The following BUB1B variants were observed in gnomAD, a reference collection of about 807,000 sequenced individuals.
BUB1B encodes mitotic checkpoint serine/threonine-protein kinase BUB1 beta.
A neutral mutation model predicts 137.7 loss-of-function variants in BUB1B; 86 were observed. The observed-to-expected ratio is 0.62, with a 90% CI of 0.52 to 0.75. The LOEUF is 0.75. Ranked by LOEUF, BUB1B falls within the 30% of genes least tolerant of loss-of-function variation. BUB1B has a pLI of 0.00. For missense variants in BUB1B, 1,130 were observed against 1,236.9 expected (o/e 0.91, Z 1.30); for synonymous variants, 420 against 417.9 (o/e 1.00, Z -0.06).
At chr15:40,166,476 A>C in intron 2 of BUB1B, 1 of 317,574 alleles carries the variant, frequency 3.1e-6, no homozygotes, top group South Asian at 2.4e-5. Flanking sequence ...AGTAGCTGGG[A>C]CTACAGGTGC....
chr15:40,199,640 G>C lies in BUB1B; in HGVS notation c.1314G>C (p.Lys438Asn). 5 of 1,613,998 alleles carry C rather than the reference G, an allele frequency of 3.1e-6. No individual in the cohort carries two copies. Among genetic ancestry groups the C allele is most frequent in the Non-Finnish European group, 4.2e-6 (5 of 1,179,898 alleles). Residue 438 changes from lysine to asparagine, a missense_variant, in exon 10 of 23, where the codon AAG (lysine) becomes AAC (asparagine). Coordinates refer to ENST00000287598, the MANE Select transcript of BUB1B (RefSeq NM_001211.6). Reference protein sequence around the residue: ...REAELLTSAEKRAEMQKQIEE... With the variant: ...REAELLTSAENRAEMQKQIEE... ...CCGAGCTATTGACCAGTGCAGAGAA[G>C]AGAGCAGAAATGCAGAAACAGATTG...
chr15:40,169,021 TAG>T (rs1178076721), intron 2 of BUB1B, among the ~76,000 whole-genome samples: 2 of 152,166 alleles, frequency 1.3e-5, no homozygotes, highest in African/African-American at 4.8e-5. Flanking sequence ...TTTTTCTTAT[TAG>T]AGTATAAATT....
chr15:40,166,960 C>T (rs1349425647), intron 2 of BUB1B, among the ~76,000 whole-genome samples: 1 of 151,860 alleles, frequency 6.6e-6, no homozygotes, highest in East Asian at 1.9e-4. Context: ...GATATTTTGC[C>T]CAGTTTTCAA....
intron 8 of BUB1B, among the ~76,000 whole-genome samples, 200 bp from the exon 9 acceptor site, chr15:40,196,345 T>C (rs2037497504): frequency 6.6e-6 from 1 of 152,244 alleles, no homozygotes; most frequent in Admixed American, 6.5e-5. Flanking sequence ...TTGATCTATA[T>C]GCCTGTTTTT....
intron 12 of BUB1B, 112 bp from the exon 13 acceptor site, chr15:40,202,293 A>G: frequency 1.1e-6 from 1 of 893,948 alleles, no homozygotes; most frequent in Non-Finnish European, 1.8e-6. Context: ...TATTAAAAAA[A>G]CAGGTTGCCT....
intron 1 of BUB1B, 118 bp downstream of exon 1, chr15:40,161,373 C>A: frequency 1.7e-6 from 2 of 1,168,342 alleles, no homozygotes; most frequent in Admixed American, 3.3e-5. Context: ...ACAGACCCCA[C>A]CGGAGCCTCC....
chr15:40,190,979 C>T (rs1298024053), intron 8 of BUB1B, among the ~76,000 whole-genome samples: 7 of 151,822 alleles, frequency 4.6e-5, no homozygotes, highest in Admixed American at 4.6e-4. Context: ...CCTCAGCTTC[C>T]CGGGTTCAAC....
chr15:40,206,553 C>T (rs1322405048), intron 15 of BUB1B, 95 bp downstream of exon 15: 1 of 1,498,854 alleles, frequency 6.7e-7, no homozygotes, highest in African/African-American at 1.4e-5. Context: ...CAAGTTCTTA[C>T]TAACTGCCAG....
intron 5 of BUB1B, among the ~76,000 whole-genome samples, chr15:40,181,898 A>T (rs2037298153): frequency 6.6e-6 from 1 of 152,154 alleles, no homozygotes; most frequent in African/African-American, 2.4e-5. Flanking sequence ...GAACATAGTT[A>T]TATTAGGTAC....
intron 20 of BUB1B, 112 bp downstream of exon 20, chr15:40,213,586 A>C: frequency 8.4e-7 from 1 of 1,192,896 alleles, no homozygotes; most frequent in Admixed American, 1.7e-5. Flanking sequence ...CCTAGGTTGG[A>C]GTACAGTGGC....
At chr15:40,172,550 T>G (rs2037176351) in intron 4 of BUB1B, among the ~76,000 whole-genome samples, 1 of 152,172 alleles carries the variant, frequency 6.6e-6, no homozygotes, top group Non-Finnish European at 1.5e-5. Context: ...TTAATAGTCA[T>G]TAAGTGGATG....
chr15:40,220,731 C>G lies in BUB1B; in HGVS notation c.3125C>G (p.Thr1042Ser), dbSNP rs764992665. 5 of 1,614,036 alleles carry G rather than the reference C, an allele frequency of 3.1e-6. No individual in the cohort carries two copies. The East Asian group carries it at 8.9e-5, about 29-fold the overall frequency. ...GCCTTATGGAAGGTAGGGAAGTTAA[C>G]TAGTCCTGGGGCTTTGCTCTTTCAG... ...NKALWKVGKL[T>S]SPGALLFQ The change falls in exon 23 of 23, where the codon ACT (threonine) becomes AGT (serine). Residue 1042 changes from threonine to serine, a missense_variant. Thr to Ser is a moderately conservative substitution (Grantham distance 58). Transcript: ENST00000287598.
At chr15:40,167,091 T>G (rs2037108197) in intron 2 of BUB1B, among the ~76,000 whole-genome samples, 1 of 151,892 alleles carries the variant, frequency 6.6e-6, no homozygotes. Flanking sequence ...GTAGGGGTTC[T>G]TTATAAAGTC....
In BUB1B at chr15:40,220,957, C is replaced by A; in HGVS notation, c.*198C>A. 1.6e-6 allele frequency: 1 copy of A among 626,492 alleles called. No individual in the cohort carries two copies. 38.8% of individuals were successfully genotyped at this position (626,492 alleles called of 1,614,324 possible). A position where few individuals can be genotyped will look rare whatever the true frequency, so the allele number is the denominator to read the frequency against. On this transcript the variant is annotated 3_prime_UTR_variant, in exon 23 of 23. Transcript: ENST00000287598. ...TATACTTACTCATGGCCTTGTCTAA[C>A]TTTTGTGAAGAACTATTTTATTCTA... is the stretch of plus-strand genomic sequence containing the variant.
chr15:40,209,141 C>G (rs966846477), intron 16 of BUB1B, among the ~76,000 whole-genome samples: 1 of 151,652 alleles, frequency 6.6e-6, no homozygotes, highest in Non-Finnish European at 1.5e-5. Flanking sequence ...AGTTGCCGGC[C>G]GGGTGCGGTG....
chr15:40,161,375 G>A (rs2037041259), intron 1 of BUB1B, 120 bp downstream of exon 1: 13 of 1,165,218 alleles, frequency 1.1e-5, no homozygotes, highest in East Asian at 3.0e-5. Flanking sequence ...AGACCCCACC[G>A]GAGCCTCCTT....
rs750166019 is a variant in BUB1B, at chr15:40,209,758, A to C, written c.2267A>C (p.Glu756Ala). The change falls in exon 17 of 23, where the codon GAG becomes GCG. Residue 756 changes from glutamate (E) to alanine (A), a missense_variant. By Grantham distance (107) the Glu-to-Ala change is moderately radical. Coordinates refer to ENST00000287598, the MANE Select transcript of BUB1B (RefSeq NM_001211.6). ...EDRPMPKLEIEKEIELGNEDY... is the reference protein window; with the variant it reads ...EDRPMPKLEIAKEIELGNEDY... ...AGACCAATGCCTAAGTTGGAAATTG[A>C]GAAGGAAATTGAATTAGGTAAGTAC... The C allele has an allele frequency of 6.2e-7, 1 of 1,614,162 alleles. No individual in the cohort carries two copies. Among genetic ancestry groups the C allele is most frequent in the South Asian group, 1.1e-5 (1 of 91,082 alleles).
chr15:40,187,725 A>C (rs896303450), intron 8 of BUB1B, among the ~76,000 whole-genome samples: 24 of 152,068 alleles, frequency 1.6e-4, no homozygotes, highest in Non-Finnish European at 3.2e-4. Flanking sequence ...CCTGGGCAAC[A>C]CAGGGAGACC....
intron 20 of BUB1B, among the ~76,000 whole-genome samples, chr15:40,216,726 T>A (rs1409757590): frequency 6.6e-6 from 1 of 151,512 alleles, no homozygotes; most frequent in Admixed American, 6.6e-5. Context: ...TTAAAGACTG[T>A]ATTTAGGAAT....
Sources: gnomAD v4.1 joint callset for allele counts (sites outside exome capture counted in the v4.1 genomes callset) on GRCh38, gnomAD v4.1.1 for gene constraint, MANE v1.5 for transcripts, NCBI Gene and HGNC (gene_info 2026-07-23, HGNC 2026-07-21) for gene names.